The following DDX60 variants were observed in gnomAD, a reference collection of about 807,000 sequenced individuals.
DDX60 encodes the protein probable ATP-dependent RNA helicase DDX60.
DDX60 carries 165 observed loss-of-function variants against 212.8 expected under a neutral mutation model. The observed-to-expected ratio is 0.78, with a 90% CI of 0.68 to 0.88. DDX60 has a LOEUF of 0.88. Ranked by LOEUF, DDX60 falls within the 40% of genes least tolerant of loss-of-function variation. The pLI, the probability that DDX60 is intolerant of heterozygous loss-of-function variation, is 0.00. For missense variants in DDX60, 1,905 were observed against 2,003.9 expected (o/e 0.95, Z 0.94); for synonymous variants, 703 against 685.3 (o/e 1.03, Z -0.40).
In DDX60 at chr4:168,297,386, A is replaced by AAGAAAG. The variant is rs1560870734; in HGVS notation, c.724-3447_724-3442dup. ...AGAAAGAAAGAAAGAAAGAAAGAGAAAGAAAGAAAGAAAGAAAGACAATAA... is the reference window on the plus strand; with the variant it reads ...AGAAAGAAAGAAAGAAAGAAAGAGAAAGAAAGAGAAAGAAAGAAAGAAAGACAATAA... On this transcript the variant is annotated intron_variant, in intron 6 of 37. Coordinates refer to ENST00000393743, the MANE Select transcript of DDX60 (RefSeq NM_017631.6). Among the ~76,000 whole-genome samples the AAGAAAG allele has an allele frequency of 5.2e-5, 6 of 115,412 alleles. 1 individual carries two copies. The highest frequency in any genetic ancestry group is 4.4e-4 in the East Asian group (2 of 4,514). 75.7% of individuals were successfully genotyped at this position (115,412 alleles called of 152,430 possible).
chr4:168,255,666 G>T, intron 26 of DDX60, 45 bp downstream of exon 26: 1 of 1,476,038 alleles, frequency 6.8e-7, no homozygotes, highest in Non-Finnish European at 9.1e-7. Context: ...GACTTGGGGA[G>T]TATTTTAACC....
At position 168,221,766 on chromosome 4, in the gene DDX60, T is replaced by C. The variant is rs749455766; in HGVS notation, c.4940A>G (p.Lys1647Arg). The change falls in exon 36 of 38, where the codon AAA (lysine) becomes AGA (arginine). Residue 1647 changes from lysine to arginine, a missense_variant. Coordinates refer to ENST00000393743, the MANE Select transcript of DDX60 (RefSeq NM_017631.6). ...GACTAATCCTATCAAGGAACCATGTTTGTAGAAATCCAGTGCATAGGCATT... is the reference window on the plus strand; with the variant it reads ...GACTAATCCTATCAAGGAACCATGTCTGTAGAAATCCAGTGCATAGGCATT... ...SLNAYALDFY[K>R]HGSLIGLVQD... 1 of 1,612,994 alleles carries C rather than the reference T, an allele frequency of 6.2e-7. No homozygotes were observed.
chr4:168,321,717 A>G (rs901033335), upstream of DDX60, among the ~76,000 whole-genome samples: 1 of 152,124 alleles, frequency 6.6e-6, no homozygotes, highest in African/African-American at 2.4e-5. Flanking sequence ...AGCCTTCTAG[A>G]TCTGGGTTTG....
At chr4:168,285,263 AATTC>A in intron 11 of DDX60, 126 bp downstream of exon 11, 1 of 659,678 alleles carries the variant, frequency 1.5e-6, no homozygotes, top group East Asian at 2.9e-5. Context: ...TTTGATTTTA[AATTC>A]ATTATGTATT....
chr4:168,273,415 A>G lies in DDX60; in HGVS notation c.2455-17T>C. On this transcript the variant is annotated splice_polypyrimidine_tract_variant and intron_variant, in intron 17 of 37. Transcript: ENST00000393743. ...AACAAGGGCCTGATTGACAAAGAAAAAGATCCATTAGTCACATAATAGAGA... is the reference window on the plus strand; with the variant it reads ...AACAAGGGCCTGATTGACAAAGAAAGAGATCCATTAGTCACATAATAGAGA... 1 of 1,612,976 alleles carries G rather than the reference A, an allele frequency of 6.2e-7. No homozygotes were observed. The highest frequency in any genetic ancestry group is 8.5e-7 in the Non-Finnish European group (1 of 1,179,478).
At position 168,293,931 on chromosome 4, in the gene DDX60, TAC is replaced by T. The variant is rs770618438; in HGVS notation, c.736_737del (p.Val246IlefsTer12). On this transcript the variant is annotated frameshift_variant, in exon 7 of 38. Transcript: ENST00000393743. LOFTEE classifies it high-confidence loss of function. ...CTGGCCAGACTTGTGTAAGCAGAGA[TAC>T]AGTCTTGTGTGCCTGTCAAAGAAAA... is the stretch of plus-strand genomic sequence containing the variant. ...NNITEEAHKT[V>X]SLLTQVWPEG... The T allele has an allele frequency of 1.2e-6, 2 of 1,610,994 alleles. No homozygotes were observed. Among genetic ancestry groups the T allele is most frequent in the East Asian group, 2.2e-5 (1 of 44,848 alleles).
Position 168,233,556 on chromosome 4 carries a change from C to A in DDX60, c.4533+2696G>T, listed in dbSNP as rs762514553. Among the ~76,000 whole-genome samples the A allele has an allele frequency of 2.7e-4, 41 of 152,008 alleles. 1 individual carries two copies. Among genetic ancestry groups the A allele is most frequent in the Admixed American group, 8.5e-4 (13 of 15,236 alleles). On this transcript the variant is annotated intron_variant, in intron 33 of 37. Coordinates refer to ENST00000393743, the MANE Select transcript of DDX60 (RefSeq NM_017631.6). ...AATAGAAATGAAATAAGAGCATTCA[C>A]AAGCAACCTGGATGGAGTTGGAGAC...
At chr4:168,243,457 G>A (rs1390164807) in intron 30 of DDX60, among the ~76,000 whole-genome samples, 2 of 151,858 alleles carry the variant, frequency 1.3e-5, no homozygotes, top group Admixed American at 6.6e-5. Context: ...GGACATGAAA[G>A]GACACTTCTC....
intron 11 of DDX60, 132 bp downstream of exon 11, chr4:168,285,261 T>C (rs1470672902): frequency 7.6e-6 from 5 of 657,524 alleles, no homozygotes; most frequent in Admixed American, 3.3e-5. Flanking sequence ...ATTTTGATTT[T>C]AAATTCATTA....
At chr4:168,228,410 T>A (rs992378020) in intron 33 of DDX60, among the ~76,000 whole-genome samples, 2 of 152,086 alleles carry the variant, frequency 1.3e-5, no homozygotes, top group Non-Finnish European at 2.9e-5. Context: ...ATTTTCTACC[T>A]TGCCATTTGT....
intron 17 of DDX60, 108 bp downstream of exon 17, chr4:168,273,826 T>C: frequency 1.5e-6 from 2 of 1,310,826 alleles, no homozygotes; most frequent in East Asian, 2.3e-5. Context: ...AACAAGAAAA[T>C]GCAGGTTAAA....
Position 168,273,410 on chromosome 4 carries a change from A to T in DDX60, c.2455-12T>A, listed in dbSNP as rs773380306. ...TGATTAACAAGGGCCTGATTGACAA[A>T]GAAAAAGATCCATTAGTCACATAAT... On this transcript the variant is annotated splice_polypyrimidine_tract_variant and intron_variant, in intron 17 of 37. Transcript: ENST00000393743. The T allele has an allele frequency of 6.2e-7, 1 of 1,613,090 alleles. No homozygotes were observed. The highest frequency in any genetic ancestry group is 1.3e-5 in the African/African-American group (1 of 74,888).
chr4:168,302,510 G>C (rs530647252), intron 5 of DDX60, 94 bp from the exon 6 acceptor site: 2 of 539,856 alleles, frequency 3.7e-6, no homozygotes, highest in Admixed American at 4.2e-5. Flanking sequence ...ATATAATTAT[G>C]TTACGATATA....
chr4:168,285,360 G>A (rs554144956), intron 11 of DDX60, 33 bp downstream of exon 11: 5 of 1,253,310 alleles, frequency 4.0e-6, no homozygotes, highest in Admixed American at 3.5e-5. Context: ...TTCCACACAA[G>A]TATTTATTGA....
intron 30 of DDX60, among the ~76,000 whole-genome samples, chr4:168,241,620 G>C (rs1331937266): frequency 6.6e-6 from 1 of 152,142 alleles, no homozygotes; most frequent in African/African-American, 2.4e-5. Flanking sequence ...AGATGATTTA[G>C]GGTATCTTGC....
At chr4:168,285,086 G>A in intron 11 of DDX60, 151 bp from the exon 12 acceptor site, 1 of 559,044 alleles carries the variant, frequency 1.8e-6, no homozygotes, top group Non-Finnish European at 3.1e-6. Flanking sequence ...CAGTTTATTA[G>A]AGGTTTAATA....
At chr4:168,287,782 A>C (rs1735925022) in intron 9 of DDX60, among the ~76,000 whole-genome samples, 1 of 152,154 alleles carries the variant, frequency 6.6e-6, no homozygotes, top group African/African-American at 2.4e-5. Flanking sequence ...TTACATATAA[A>C]AATATATAAA....
chr4:168,252,862 T>C (rs948752048), intron 26 of DDX60, among the ~76,000 whole-genome samples: 2 of 152,154 alleles, frequency 1.3e-5, no homozygotes, highest in Non-Finnish European at 2.9e-5. Flanking sequence ...TGGAGTGTAA[T>C]GGCGTGATCT....
chr4:168,258,810 T>C (rs1276361787), intron 25 of DDX60, among the ~76,000 whole-genome samples: 1 of 152,140 alleles, frequency 6.6e-6, no homozygotes, highest in East Asian at 1.9e-4. Flanking sequence ...ACTCTGATCT[T>C]CTTTCTTTTT....
Sources: gnomAD v4.1 joint callset for allele counts (sites outside exome capture counted in the v4.1 genomes callset) on GRCh38, gnomAD v4.1.1 for gene constraint, MANE v1.5 for transcripts, NCBI Gene and HGNC (gene_info 2026-07-23, HGNC 2026-07-21) for gene names.